The following PDILT variants were observed in gnomAD, a reference collection of about 807,000 sequenced individuals.
The protein encoded by PDILT is protein disulfide isomerase like, testis expressed.
PDILT carries 43 observed loss-of-function variants against 53.7 expected under a neutral mutation model. The ratio of observed to expected loss-of-function variants is 0.80; its 90% CI spans 0.63 to 1.03. The LOEUF (loss-of-function observed/expected upper bound fraction) is 1.03, where lower values mean the gene tolerates loss of function less well. Ranked by LOEUF, PDILT falls within the 50% of genes least tolerant of loss-of-function variation. The pLI, the probability that PDILT is intolerant of heterozygous loss-of-function variation, is 0.00. For missense variants in PDILT, 727 were observed against 712.3 expected (o/e 1.02, Z -0.24); for synonymous variants, 282 against 274.2 (o/e 1.03, Z -0.28).
chr16:20,368,985 C>T (rs1333327891), intron 8 of PDILT, among the ~76,000 whole-genome samples: 1 of 152,180 alleles, frequency 6.6e-6, no homozygotes, highest in African/African-American at 2.4e-5. Context: ...CAGTGGGTGA[C>T]TACGTGTTCC....
At chr16:20,400,469 T>G (rs1426897082) in intron 1 of PDILT, among the ~76,000 whole-genome samples, 1 of 148,278 alleles carries the variant, frequency 6.7e-6, no homozygotes, top group African/African-American at 2.5e-5. Flanking sequence ...TGGATACACA[T>G]GAAAATCCTC....
At chr16:20,392,584 G>A (rs1435337936) in intron 2 of PDILT, among the ~76,000 whole-genome samples, 2 of 152,192 alleles carry the variant, frequency 1.3e-5, no homozygotes, top group Non-Finnish European at 2.9e-5. Context: ...CACTTTAGAA[G>A]GCCGGCTAGT....
chr16:20,393,593 G>T (rs1966630361), intron 2 of PDILT, among the ~76,000 whole-genome samples: 1 of 152,204 alleles, frequency 6.6e-6, no homozygotes, highest in African/African-American at 2.4e-5. Flanking sequence ...GGGCTGAGTT[G>T]TTGATGCTCC....
intron 2 of PDILT, among the ~76,000 whole-genome samples, chr16:20,390,024 A>G (rs913333376): frequency 6.6e-6 from 1 of 152,186 alleles, no homozygotes; most frequent in African/African-American, 2.4e-5. Flanking sequence ...GCAAAGAATT[A>G]TCTAGTCAAA....
chr16:20,370,730 T>C (rs1966294015), intron 7 of PDILT, among the ~76,000 whole-genome samples: 1 of 152,128 alleles, frequency 6.6e-6, no homozygotes, highest in Admixed American at 6.5e-5. Context: ...CGGCACAAGA[T>C]ACAGGTCATA....
intron 2 of PDILT, among the ~76,000 whole-genome samples, chr16:20,392,095 C>T (rs76604388): frequency 6.6e-6 from 1 of 151,936 alleles, no homozygotes; most frequent in Admixed American, 6.6e-5. Context: ...AATAATGAGG[C>T]CTGAACCAAG....
chr16:20,400,170 A>C (rs1200790638), intron 1 of PDILT, among the ~76,000 whole-genome samples: 3 of 151,658 alleles, frequency 2.0e-5, no homozygotes, highest in Non-Finnish European at 4.4e-5. Context: ...CCAGAGGCTC[A>C]CCCTAGTGAT....
At chr16:20,378,698 A>AGTGTGTTTGGTTTTCTGTTC (rs1251978347) in intron 3 of PDILT, among the ~76,000 whole-genome samples, 1 of 151,986 alleles carries the variant, frequency 6.6e-6, no homozygotes, top group Non-Finnish European at 1.5e-5. Flanking sequence ...CTTATGAGTG[A>AGTGTGTTTGGTTTTCTGTTC]GTGTGTTTGG....
At chr16:20,390,768 T>G (rs2141616454) in intron 2 of PDILT, 1 of 152,336 alleles carries the variant, frequency 6.6e-6, no homozygotes, top group Non-Finnish European at 1.5e-5. Context: ...AGCACCAGTT[T>G]TGGTGTCAAG....
intron 4 of PDILT, 41 bp from the exon 5 acceptor site, chr16:20,375,000 C>A: frequency 6.4e-7 from 1 of 1,569,364 alleles, no homozygotes; most frequent in Non-Finnish European, 8.7e-7. Context: ...TGGTAGAAAT[C>A]AAGGTGCCTG....
chr16:20,367,047 CTTTCT>C (rs1567320738), intron 8 of PDILT, among the ~76,000 whole-genome samples: 6 of 61,258 alleles, frequency 9.8e-5, no homozygotes, highest in African/African-American at 3.7e-4. Context: ...TTCTTTCTTT[CTTTCT>C]TTCTTTCTTT....
chr16:20,397,357 G>A (rs1463683707), intron 2 of PDILT, among the ~76,000 whole-genome samples: 1 of 152,072 alleles, frequency 6.6e-6, no homozygotes, highest in Non-Finnish European at 1.5e-5. Flanking sequence ...GCTCAGGCTG[G>A]TTCTTGAACA....
At chr16:20,395,014 A>G (rs1966645609) in intron 2 of PDILT, among the ~76,000 whole-genome samples, 2 of 152,114 alleles carry the variant, frequency 1.3e-5, no homozygotes, top group Admixed American at 1.3e-4. Context: ...AGAGCAAAGA[A>G]GAAGTTTGAG....
intron 9 of PDILT, among the ~76,000 whole-genome samples, chr16:20,363,020 C>T (rs1403495642): frequency 3.1e-5 from 4 of 129,506 alleles, no homozygotes; most frequent in Admixed American, 9.4e-5. Context: ...TGCAATGAGC[C>T]GAGATTGCGC....
intron 9 of PDILT, among the ~76,000 whole-genome samples, chr16:20,363,698 A>T (rs1163929600): frequency 6.6e-6 from 1 of 152,168 alleles, no homozygotes; most frequent in Non-Finnish European, 1.5e-5. Flanking sequence ...ATGTTATGTT[A>T]TGTCATGTCA....
chr16:20,375,682 T>G (rs1359174149), intron 4 of PDILT, among the ~76,000 whole-genome samples: 3 of 152,184 alleles, frequency 2.0e-5, no homozygotes, highest in African/African-American at 7.2e-5. Context: ...GTTTATCCTG[T>G]GCTATCGGTT....
intron 2 of PDILT, among the ~76,000 whole-genome samples, chr16:20,389,663 CT>C (rs1966584847): frequency 6.6e-6 from 1 of 152,120 alleles, no homozygotes; most frequent in Non-Finnish European, 1.5e-5. Context: ...CCCTGACTGT[CT>C]GCTTGGTGTG....
chr16:20,365,618 AC>A, intron 8 of PDILT, 78 bp from the exon 9 acceptor site: 1 of 1,528,538 alleles, frequency 6.5e-7, no homozygotes, highest in Non-Finnish European at 8.9e-7. Context: ...TTGATTGGAA[AC>A]CACTAAAGGT....
At chr16:20,364,568 C>T (rs965702671) in intron 9 of PDILT, among the ~76,000 whole-genome samples, 2 of 152,170 alleles carry the variant, frequency 1.3e-5, no homozygotes, top group African/African-American at 4.8e-5. Context: ...ACAGCAAACT[C>T]ATGCTTGACT....
Sources: allele counts gnomAD v4.1 joint callset (sites outside exome capture counted in the v4.1 genomes callset), GRCh38; gene constraint gnomAD v4.1.1; transcripts MANE v1.5; gene names NCBI Gene and HGNC (gene_info 2026-07-23, HGNC 2026-07-21).